LGI1: variants seen among roughly 807,000 people sequenced by gnomAD.
LGI1 encodes leucine-rich glioma-inactivated protein 1.
A neutral mutation model predicts 57.7 loss-of-function variants in LGI1; 11 were observed. The ratio of observed to expected loss-of-function variants is 0.19; its 90% CI spans 0.12 to 0.32. LGI1 has a LOEUF of 0.32. Ranked by LOEUF, LGI1 falls within the 10% of genes least tolerant of loss-of-function variation. LGI1 has a pLI of 1.00. For missense variants in LGI1, 422 were observed against 661.9 expected, an observed-to-expected ratio of 0.64 and a Z score of 3.98; for synonymous variants, 222 against 241.9, an observed-to-expected ratio of 0.92 and a Z score of 0.76.
intron 2 of LGI1, among the ~76,000 whole-genome samples, chr10:93,765,883 T>C (rs2059669763): frequency 6.9e-6 from 1 of 145,260 alleles, no homozygotes; most frequent in Non-Finnish European, 1.5e-5. Context: ...GGCAGGAGAA[T>C]GGCGTGAACC....
In LGI1 at chr10:93,777,527, A is replaced by T. The variant is rs373064348; in HGVS notation, c.360-19A>T. 4.3e-6 allele frequency: 7 copies of T among 1,612,372 alleles called. No individual in the cohort carries two copies. The African/African-American group carries it at 8.0e-5, about 18-fold the overall frequency. ...AGTTCCTGTAACTGTTTGACAAAAA[A>T]TATTATAACTTATTGCAGATTCATA... On this transcript the variant is annotated intron_variant, in intron 3 of 7. Transcript: ENST00000371418.
intron 2 of LGI1, 163 bp from the exon 3 acceptor site, chr10:93,777,216 A>C (rs547635097): frequency 4.3e-6 from 3 of 692,796 alleles, no homozygotes; most frequent in Non-Finnish European, 7.7e-6. Flanking sequence ...GATTAGGAGT[A>C]AAAAAATGCT....
chr10:93,761,754 T>C (rs932947111), intron 2 of LGI1, among the ~76,000 whole-genome samples: 1 of 152,232 alleles, frequency 6.6e-6, no homozygotes, highest in Non-Finnish European at 1.5e-5. Flanking sequence ...AGTTGTAATA[T>C]ACATTTTTTA....
chr10:93,758,211 C>A lies in LGI1; in HGVS notation c.67C>A (p.Leu23Ile). The A allele has an allele frequency of 6.2e-7, 1 of 1,614,136 alleles. No individual in the cohort carries two copies. The highest frequency in any genetic ancestry group is 8.5e-7 in the Non-Finnish European group (1 of 1,180,020). ...TCCCCTGAAAAGAATTGCTTATTTCCTATGTCTCTTATCTGCGCTTTTGCT... is the reference window on the plus strand; with the variant it reads ...TCCCCTGAAAAGAATTGCTTATTTCATATGTCTCTTATCTGCGCTTTTGCT... ...CIPLKRIAYF[L>I]CLLSALLLTE... Residue 23 changes from leucine (L) to isoleucine (I), a missense_variant, in exon 1 of 8, where the codon CTA becomes ATA. Coordinates refer to ENST00000371418, the MANE Select transcript of LGI1 (RefSeq NM_005097.4). The surrounding 1 kb of genome is among the most constrained non-coding windows in gnomAD (Gnocchi z 4.7).
At chr10:93,785,247 G>C (rs1444541108) in intron 4 of LGI1, among the ~76,000 whole-genome samples, 3 of 152,158 alleles carry the variant, frequency 2.0e-5, no homozygotes, top group Non-Finnish European at 4.4e-5. Flanking sequence ...TAATATCACT[G>C]TTTAATGACA....
chr10:93,785,887 C>A (rs190225952), intron 4 of LGI1, among the ~76,000 whole-genome samples: 476 of 46,160 alleles, frequency 0.01, 136 homozygotes, highest in Admixed American at 0.04. Flanking sequence ...ATTCTACTTA[C>A]CCCTTTTTTA....
At chr10:93,770,093 C>G (rs529321518) in intron 2 of LGI1, 7 of 152,496 alleles carry the variant, frequency 4.6e-5, no homozygotes, top group East Asian at 1.9e-4. Context: ...CCAGCCTCCC[C>G]GCTCCCCAGA....
rs1162193591 is a variant in LGI1 at position 93,792,917 on chromosome 10, T to C, written c.673+5T>C. The C allele has an allele frequency of 1.2e-6, 2 of 1,613,038 alleles. No homozygotes were observed. Among genetic ancestry groups the C allele is most frequent in the African/African-American group, 2.7e-5 (2 of 74,884 alleles). On this transcript the variant is annotated splice_donor_5th_base_variant and intron_variant, in intron 6 of 7. Transcript: ENST00000371418. ...ATTTTGATTGCATCATTACAGGTAA[T>C]GTACTCATCATCATTCCACCTCAAA...
rs1344681972 is a variant in LGI1 at position 93,758,375 on chromosome 10, A to C, written c.215+16A>C. ...TTATCTCATTGTAAGGCCCGTAAGC[A>C]TTTTGATATCTAATTTACGATTTAA... is the stretch of plus-strand genomic sequence containing the variant. On this transcript the variant is annotated intron_variant, in intron 1 of 7. Transcript: ENST00000371418. This position sits in a 1 kb window ranked among gnomAD's most constrained non-coding sequence, Gnocchi z 4.7. The C allele has an allele frequency of 6.2e-7, 1 of 1,609,164 alleles. No homozygotes were observed. Among genetic ancestry groups the C allele is most frequent in the South Asian group, 1.1e-5 (1 of 91,008 alleles).
rs2059995007 is a variant in LGI1, at chr10:93,797,920, A to T, written c.*117A>T. On this transcript the variant is annotated 3_prime_UTR_variant, in exon 8 of 8. Coordinates refer to ENST00000371418, the MANE Select transcript of LGI1 (RefSeq NM_005097.4). This position sits in a 1 kb window ranked among gnomAD's most constrained non-coding sequence, Gnocchi z 6.5. ...AAATGAATGCCTTTCAAACATTGAG[A>T]CTGCTAGAACCAAGCACTACCAGTA... 3 of 769,324 alleles carry T rather than the reference A, an allele frequency of 3.9e-6. No homozygotes were observed. The Admixed American group carries it at 5.7e-5, about 15-fold the overall frequency. 47.7% of individuals were successfully genotyped at this position (769,324 alleles called of 1,614,324 possible). A position where few individuals can be genotyped will look rare whatever the true frequency, so the allele number is the denominator to read the frequency against.
intron 2 of LGI1, among the ~76,000 whole-genome samples, chr10:93,776,189 C>T (rs2059792279): frequency 6.6e-6 from 1 of 152,182 alleles, no homozygotes; most frequent in Non-Finnish European, 1.5e-5. Flanking sequence ...CAACACCACT[C>T]TAGGATTGAT....
chr10:93,776,381 A>G (rs1393946777), intron 2 of LGI1, among the ~76,000 whole-genome samples: 1 of 152,164 alleles, frequency 6.6e-6, no homozygotes, highest in Non-Finnish European at 1.5e-5. Context: ...ATTCTTCTCT[A>G]ACCCCTTGTT....
chr10:93,778,165 G>A (rs1260523402), intron 4 of LGI1, among the ~76,000 whole-genome samples: 1 of 152,130 alleles, frequency 6.6e-6, no homozygotes, highest in Non-Finnish European at 1.5e-5. Context: ...TCACAACTGG[G>A]GATGTAAATG....
In LGI1 at chr10:93,797,497, A is replaced by G. The variant is rs369166517; in HGVS notation, c.1368A>G (p.Lys456=). The G allele has an allele frequency of 5.0e-6, 8 of 1,614,104 alleles. No homozygotes were observed. In the African/African-American group the frequency reaches 8.0e-5, roughly 16 times the overall value. The change falls in exon 8 of 8, where the codon AAA becomes AAG. Residue 456 remains lysine (K), a synonymous_variant. Coordinates refer to ENST00000371418, the MANE Select transcript of LGI1 (RefSeq NM_005097.4). This position sits in a 1 kb window ranked among gnomAD's most constrained non-coding sequence, Gnocchi z 6.5. The part of the protein sequence containing the change: ...ICLTRFIGDS[K]VMKWGGSSFQ... ...TGACAAGATTCATTGGTGATTCCAA[A>G]GTCATGAAATGGGGAGGCTCCTCGT... is the stretch of plus-strand genomic sequence containing the variant.
At chr10:93,789,568 T>A (rs577923766) in intron 4 of LGI1, 1 of 158,368 alleles carries the variant, frequency 6.3e-6, no homozygotes, top group South Asian at 1.8e-4. Context: ...CAGGAATCAT[T>A]GTTGTTTTTA....
chr10:93,771,621 A>G (rs1228899107), intron 2 of LGI1: 6 of 152,204 alleles, frequency 3.9e-5, no homozygotes. Flanking sequence ...TCACCACTAC[A>G]CAATATATCC....
intron 2 of LGI1, chr10:93,765,389 A>G (rs2059663148): frequency 6.6e-6 from 1 of 152,200 alleles, no homozygotes; most frequent in Non-Finnish European, 1.5e-5. Flanking sequence ...AGTAGTGGTG[A>G]CTGAGGTAAA....
intron 4 of LGI1, chr10:93,789,007 C>T (rs2059912897): frequency 6.6e-6 from 1 of 152,170 alleles, no homozygotes; most frequent in Non-Finnish European, 1.5e-5. Flanking sequence ...TGGTGACCTT[C>T]CCCAGTCATA....
At chr10:93,764,510 C>G (rs1261516026) in intron 2 of LGI1, 1 of 152,136 alleles carries the variant, frequency 6.6e-6, no homozygotes. Flanking sequence ...AGAATGTCTG[C>G]AAGGGCTTTA....
Sources: gnomAD v4.1 joint callset for allele counts (sites outside exome capture counted in the v4.1 genomes callset) on GRCh38, gnomAD v4.1.1 for gene constraint, Gnocchi (gnomAD v3.1) non-coding constraint, MANE v1.5 for transcripts, NCBI Gene and HGNC (gene_info 2026-07-23, HGNC 2026-07-21) for gene names.